NDST4: variants seen among roughly 807,000 people sequenced by gnomAD.
NDST4 encodes N-heparan sulfate sulfotransferase 4.
Under a neutral mutation model 100.8 loss-of-function variants are expected in NDST4, and 63 were observed. The observed-to-expected ratio is 0.62, with a 90% CI of 0.51 to 0.77. The LOEUF (loss-of-function observed/expected upper bound fraction) is 0.77. Ranked by LOEUF, NDST4 falls within the 30% of genes least tolerant of loss-of-function variation. The pLI is 0.00. For missense variants in NDST4, 943 were observed against 1,018.4 expected (o/e 0.93, Z 1.01); for synonymous variants, 377 against 361.8 (o/e 1.04, Z -0.48).
Position 114,935,214 on chromosome 4 carries a change from G to T in NDST4, c.1528C>A (p.Leu510Ile). Reference protein sequence around the residue: ...RGGELFLTILLNPISIFMTHL... With the variant: ...RGGELFLTILINPISIFMTHL... ...ATACATAGAATACATACTGGGTTTA[G>T]AAGGATTGTGAGAAAAAGTTCACCT... The change falls in exon 6 of 14, where the codon CTA (leucine) becomes ATA (isoleucine). Residue 510 changes from leucine (L) to isoleucine (I), a missense_variant. Physicochemically the swap from Leu to Ile is conservative, Grantham distance 5 (BLOSUM62 2). This residue lies in a region of NDST4 where 526 missense variants were observed against 634.1 expected (regional missense o/e 0.83). Coordinates refer to ENST00000264363, the MANE Select transcript of NDST4 (RefSeq NM_022569.3). 1 of 1,606,292 alleles carries T rather than the reference G, an allele frequency of 6.2e-7. No homozygotes were observed. The highest frequency in any genetic ancestry group is 1.1e-5 in the South Asian group (1 of 89,656).
intron 13 of NDST4, among the ~76,000 whole-genome samples, chr4:114,829,096 T>C (rs574755535): frequency 1.2e-4 from 18 of 152,270 alleles, no homozygotes; most frequent in African/African-American, 4.1e-4. Context: ...TTCTAGTATA[T>C]CTATTTCCAT....
intron 6 of NDST4, among the ~76,000 whole-genome samples, chr4:114,890,295 A>C (rs1205707731): frequency 6.6e-6 from 1 of 152,130 alleles, no homozygotes; most frequent in Non-Finnish European, 1.5e-5. Context: ...TAATGCAATT[A>C]TAGTTATCAC....
intron 1 of NDST4, among the ~76,000 whole-genome samples, chr4:115,081,911 A>T (rs10033025): frequency 6.6e-6 from 1 of 152,148 alleles, no homozygotes; most frequent in Non-Finnish European, 1.5e-5. Flanking sequence ...TATTTTATTA[A>T]CCATCAAACC....
intron 4 of NDST4, among the ~76,000 whole-genome samples, chr4:114,956,380 C>T (rs1378435440): frequency 6.6e-6 from 1 of 152,154 alleles, no homozygotes. Flanking sequence ...TAAGCTCACT[C>T]TCAAACAGTA....
Position 114,880,008 on chromosome 4 carries a change from C to T in NDST4, c.1537-9058G>A, listed in dbSNP as rs10006683. Among the ~76,000 whole-genome samples, 398 of 152,136 alleles carry T rather than the reference C, an allele frequency of 2.6e-3. 3 individuals are homozygous for T. Among genetic ancestry groups the T allele is most frequent in the African/African-American group, 9.2e-3 (380 of 41,518 alleles). ...TTAACAAATCAAAACTGTTTTGATTCAAGACTGGCTAGAGTGTAAACACCG... is the reference window on the plus strand; with the variant it reads ...TTAACAAATCAAAACTGTTTTGATTTAAGACTGGCTAGAGTGTAAACACCG... On this transcript the variant is annotated intron_variant, in intron 6 of 13. Transcript: ENST00000264363.
intron 12 of NDST4, among the ~76,000 whole-genome samples, chr4:114,832,578 A>T (rs550306753): frequency 6.6e-4 from 100 of 152,312 alleles, no homozygotes; most frequent in African/African-American, 2.2e-3. Flanking sequence ...TATTTTCCCA[A>T]GATGACAGCA....
chr4:115,010,934 C>T (rs1301643152), intron 2 of NDST4, among the ~76,000 whole-genome samples: 1 of 151,990 alleles, frequency 6.6e-6, no homozygotes, highest in Non-Finnish European at 1.5e-5. Flanking sequence ...TGATTAAATA[C>T]AATGTTGAAT....
chr4:114,882,309 G>T (rs1216600608), intron 6 of NDST4, among the ~76,000 whole-genome samples: 1 of 151,952 alleles, frequency 6.6e-6, no homozygotes, highest in African/African-American at 2.4e-5. Flanking sequence ...AGAGTAAGAG[G>T]CTTTATGACA....
intron 7 of NDST4, among the ~76,000 whole-genome samples, chr4:114,866,452 C>T (rs1285822176): frequency 2.0e-5 from 3 of 152,208 alleles, no homozygotes; most frequent in African/African-American, 7.2e-5. Context: ...CCCGCACTGA[C>T]TTGTACCTGC....
chr4:114,883,175 A>C (rs548093600), intron 6 of NDST4, among the ~76,000 whole-genome samples: 99 of 152,114 alleles, frequency 6.5e-4, no homozygotes, highest in African/African-American at 2.2e-3. Flanking sequence ...TAAATGAATA[A>C]ATAAAGGTAA....
rs146029454 is a variant in NDST4 at position 115,073,016 on chromosome 4, C to T, written c.978+3043G>A. ...ACTCATCTTAAAAATGAGCAAAAGG[C>T]CTGAATAAACATTTCTCAAAAGAAA... On this transcript the variant is annotated intron_variant, in intron 2 of 13. Coordinates refer to ENST00000264363, the MANE Select transcript of NDST4 (RefSeq NM_022569.3). 2.8e-3 allele frequency among the ~76,000 whole-genome samples: 424 copies of T among 151,906 alleles called. 2 individuals carry two copies. The highest frequency in any genetic ancestry group is 8.6e-3 in the African/African-American group (355 of 41,462).
intron 1 of NDST4, among the ~76,000 whole-genome samples, chr4:115,079,961 A>G (rs1457966668): frequency 6.6e-6 from 1 of 152,170 alleles, no homozygotes; most frequent in East Asian, 1.9e-4. Flanking sequence ...TTCATCAAAT[A>G]TTTTAAATAT....
At chr4:114,987,920 T>A (rs1578434357) in intron 2 of NDST4, among the ~76,000 whole-genome samples, 1 of 152,332 alleles carries the variant, frequency 6.6e-6, no homozygotes, top group East Asian at 1.9e-4. Flanking sequence ...AGTTTCCTAC[T>A]TATTATGCAA....
In NDST4 at chr4:115,077,175, A is replaced by G. The variant is rs1578504856; in HGVS notation, c.-139T>C. ...CAAATCATGTAAAATGTTTGAAGGG[A>G]GCACAACTGAGTTAAAGCTGGAAGG... On this transcript the variant is annotated 5_prime_UTR_variant, in exon 2 of 14. Transcript: ENST00000264363. 4 of 785,100 alleles carry G rather than the reference A, an allele frequency of 5.1e-6. No individual in the cohort carries two copies. The highest frequency in any genetic ancestry group is 5.5e-5 in the East Asian group (2 of 36,686). 48.6% of individuals were successfully genotyped at this position (785,100 alleles called of 1,614,324 possible). A position where few individuals can be genotyped will look rare whatever the true frequency, so the allele number is the denominator to read the frequency against.
chr4:115,022,726 G>T (rs1222372513), intron 2 of NDST4, among the ~76,000 whole-genome samples: 2 of 152,054 alleles, frequency 1.3e-5, no homozygotes, highest in Non-Finnish European at 2.9e-5. Context: ...CCAGTGGGAG[G>T]TGATTGAATT....
intron 2 of NDST4, 54 bp from the exon 3 acceptor site, chr4:114,977,328 GGAT>G: frequency 7.9e-7 from 1 of 1,271,072 alleles, no homozygotes; most frequent in South Asian, 1.3e-5. Flanking sequence ...TGAAGTTTTG[GGAT>G]GCCTCTTTTG....
At chr4:115,062,257 A>G (rs1253035025) in intron 2 of NDST4, among the ~76,000 whole-genome samples, 1 of 152,112 alleles carries the variant, frequency 6.6e-6, no homozygotes, top group East Asian at 1.9e-4. Flanking sequence ...GAAAATATAA[A>G]CTGCAAATAA....
intron 2 of NDST4, among the ~76,000 whole-genome samples, chr4:115,044,714 A>AC (rs1728429001): frequency 6.6e-6 from 1 of 151,842 alleles, no homozygotes; most frequent in South Asian, 2.1e-4. Flanking sequence ...AGGAAAAAAA[A>AC]AAACATTTAG....
At chr4:114,971,424 A>T (rs1726512260) in intron 3 of NDST4, among the ~76,000 whole-genome samples, 1 of 152,130 alleles carries the variant, frequency 6.6e-6, no homozygotes, top group Non-Finnish European at 1.5e-5. Flanking sequence ...TTCTAAGAGA[A>T]TTAATTATAT....
Sources: gnomAD v4.1 joint callset for allele counts (sites outside exome capture counted in the v4.1 genomes callset) on GRCh38, gnomAD v4.1.1 for gene constraint, gnomAD v4.1.1 regional missense constraint, MANE v1.5 for transcripts, NCBI Gene and HGNC (gene_info 2026-07-23, HGNC 2026-07-21) for gene names.